The following RETREG1 variants were observed in gnomAD, a reference collection of about 807,000 sequenced individuals.
The protein encoded by RETREG1 is family with sequence similarity 134 member B.
Under a neutral mutation model 54.8 loss-of-function variants are expected in RETREG1, and 44 were observed. The ratio of observed to expected loss-of-function variants is 0.80; its 90% CI spans 0.63 to 1.03. The LOEUF is 1.03. RETREG1 is among the 50% of genes least tolerant of loss of function. The pLI is 0.00. For synonymous variants in RETREG1, 217 were observed against 238.5 expected, an observed-to-expected ratio of 0.91 and a Z score of 0.83; for missense variants, 554 against 605.1, an observed-to-expected ratio of 0.92 and a Z score of 0.89.
chr5:16,581,006 C>T (rs1344234912), intron 1 of RETREG1, among the ~76,000 whole-genome samples: 1 of 152,170 alleles, frequency 6.6e-6, no homozygotes, highest in Non-Finnish European at 1.5e-5. Context: ...TGATGACAGT[C>T]ACCACCTGCC....
intron 3 of RETREG1, among the ~76,000 whole-genome samples, chr5:16,514,166 A>G (rs1352894480): frequency 2.0e-5 from 3 of 152,168 alleles, no homozygotes; most frequent in Admixed American, 1.3e-4. Context: ...AGAGGAGATC[A>G]TGGGTGCTTT....
chr5:16,494,214 T>C (rs1561087419), intron 3 of RETREG1, among the ~76,000 whole-genome samples: 2 of 152,204 alleles, frequency 1.3e-5, no homozygotes, highest in Admixed American at 1.3e-4. Context: ...GAATAAGCTA[T>C]TATGTAAATA....
intron 1 of RETREG1, 27 bp downstream of exon 1, chr5:16,616,625 G>T (rs749657726): frequency 6.4e-7 from 1 of 1,568,594 alleles, no homozygotes; most frequent in Non-Finnish European, 8.6e-7. Context: ...GCCCTCCTCA[G>T]CGCCCCCACC....
chr5:16,507,984 G>C (rs1740025388), intron 3 of RETREG1, among the ~76,000 whole-genome samples: 1 of 152,140 alleles, frequency 6.6e-6, no homozygotes. Flanking sequence ...ATATGAGCAG[G>C]AATTAATTGT....
rs1738392522 is a variant in RETREG1 at position 16,473,514 on chromosome 5, A to C, written c.*1227T>G. ...CTCAGATGTCTCTATGCATCTGCCA[A>C]AATGCCAGCTGTACCTGAAGATTTA... On this transcript the variant is annotated 3_prime_UTR_variant, in exon 9 of 9. Coordinates refer to ENST00000306320, the MANE Select transcript of RETREG1 (RefSeq NM_001034850.3). The C allele has an allele frequency of 6.6e-6, 1 of 152,572 alleles. No individual in the cohort carries two copies. The allele number at this position is 152,572 out of a possible 1,614,324, so 9.5% of individuals were successfully genotyped here.
Position 16,521,606 on chromosome 5 carries a change from C to G in RETREG1, c.459-38134G>C, listed in dbSNP as rs77204522. Among the ~76,000 whole-genome samples, 1,161 of 152,306 alleles carry G rather than the reference C, an allele frequency of 7.6e-3. 14 individuals are homozygous for G. Among genetic ancestry groups the G allele is most frequent in the African/African-American group, 0.024 (1,009 of 41,550 alleles). ...GTCCACACACCATAGAGACAGAGGT[C>G]TTTGTGGATAGTAGAGACAGGAGTG... On this transcript the variant is annotated intron_variant, in intron 3 of 8. Coordinates refer to ENST00000306320, the MANE Select transcript of RETREG1 (RefSeq NM_001034850.3).
intron 5 of RETREG1, among the ~76,000 whole-genome samples, chr5:16,480,128 C>T (rs1447234620): frequency 1.3e-5 from 2 of 151,956 alleles, no homozygotes; most frequent in East Asian, 3.9e-4. Context: ...AACCTTCCTT[C>T]CAGTCTCCTG....
intron 3 of RETREG1, among the ~76,000 whole-genome samples, chr5:16,519,691 G>A (rs1402277770): frequency 6.6e-6 from 1 of 152,136 alleles, no homozygotes. Context: ...TCTTGTTGTG[G>A]AAGTATCACT....
chr5:16,541,754 AAGGAAGGAAGGAAG>A (rs1424513893), intron 3 of RETREG1, among the ~76,000 whole-genome samples: 2 of 111,446 alleles, frequency 1.8e-5, no homozygotes, highest in Non-Finnish European at 3.6e-5. Context: ...GGAAGGAAGG[AAGGAAGGAAGGAAG>A]GAAGGAAGGA....
At chr5:16,609,075 G>A (rs1743271035) in intron 1 of RETREG1, among the ~76,000 whole-genome samples, 1 of 152,082 alleles carries the variant, frequency 6.6e-6, no homozygotes, top group African/African-American at 2.4e-5. Context: ...AAGTCAAATG[G>A]CATTCCGAGT....
In RETREG1 at chr5:16,597,480, T is replaced by A. The variant is rs981059532; in HGVS notation, c.320+19172A>T. Among the ~76,000 whole-genome samples, 2 of 152,212 alleles carry A rather than the reference T, an allele frequency of 1.3e-5. No homozygotes were observed. The highest frequency in any genetic ancestry group is 2.4e-5 in the African/African-American group (1 of 41,462). On this transcript the variant is annotated intron_variant, in intron 1 of 8. Coordinates refer to ENST00000306320, the MANE Select transcript of RETREG1 (RefSeq NM_001034850.3). The surrounding 1 kb of genome is among the most constrained non-coding windows in gnomAD (Gnocchi z 4.3). ...CAAAAAGCACATTGCCTTTCTCTGC[T>A]GGACTCTGAGTACCCTTGGGGAGTC...
At chr5:16,509,482 G>T (rs1740097842) in intron 3 of RETREG1, 1 of 152,146 alleles carries the variant, frequency 6.6e-6, no homozygotes, top group South Asian at 2.1e-4. Context: ...AGTTTGGCTT[G>T]TCACTGAAGA....
chr5:16,507,095 G>A (rs1009416483), intron 3 of RETREG1, among the ~76,000 whole-genome samples: 3 of 152,056 alleles, frequency 2.0e-5, no homozygotes, highest in Admixed American at 2.0e-4. Context: ...CAAACTGTTG[G>A]TTCAAAATAT....
At chr5:16,616,373 A>T (rs1473801874) in intron 1 of RETREG1, 1 of 436,576 alleles carries the variant, frequency 2.3e-6, no homozygotes, top group East Asian at 4.3e-5. Context: ...CACGATGGGA[A>T]CACCTGTAGG....
intron 3 of RETREG1, among the ~76,000 whole-genome samples, chr5:16,559,673 T>C (rs146295980): frequency 6.6e-6 from 1 of 152,274 alleles, no homozygotes; most frequent in African/African-American, 2.4e-5. Flanking sequence ...ATTTGTTGTA[T>C]GTAAAGTTAT....
intron 1 of RETREG1, among the ~76,000 whole-genome samples, chr5:16,578,333 T>C (rs1450666321): frequency 6.6e-6 from 1 of 152,246 alleles, no homozygotes; most frequent in Non-Finnish European, 1.5e-5. Flanking sequence ...TTGCTAGATT[T>C]ATAAACAAAA....
chr5:16,483,583 A>G (rs1207396674), intron 3 of RETREG1, 111 bp from the exon 4 acceptor site: 2 of 1,162,044 alleles, frequency 1.7e-6, no homozygotes, highest in Non-Finnish European at 2.5e-6. Context: ...ACCCTCTGGA[A>G]AAGCCCTGTG....
rs183375366 is a variant in RETREG1 at position 16,557,786 on chromosome 5, C to T, written c.458+7977G>A. On this transcript the variant is annotated intron_variant, in intron 3 of 8. Coordinates refer to ENST00000306320, the MANE Select transcript of RETREG1 (RefSeq NM_001034850.3). ...AGCACAGATAGGCTTACTTATAACG[C>T]GTATGTCCAGCATATTCTGAATTTA... Among the ~76,000 whole-genome samples the T allele has an allele frequency of 2.6e-5, 4 of 152,216 alleles. No individual in the cohort carries two copies. In the East Asian group the frequency reaches 5.8e-4, roughly 22 times the overall value.
intron 3 of RETREG1, among the ~76,000 whole-genome samples, chr5:16,484,735 C>T (rs1015001276): frequency 1.3e-5 from 2 of 152,014 alleles, no homozygotes; most frequent in African/African-American, 4.8e-5. Context: ...AGTGCAATAG[C>T]ATATTTTAAA....
Sources: gnomAD v4.1 joint callset for allele counts (sites outside exome capture counted in the v4.1 genomes callset) on GRCh38, gnomAD v4.1.1 for gene constraint, Gnocchi (gnomAD v3.1) non-coding constraint, MANE v1.5 for transcripts, NCBI Gene and HGNC (gene_info 2026-07-23, HGNC 2026-07-21) for gene names.